PLPP4: variants seen among roughly 807,000 people sequenced by gnomAD.
PLPP4 encodes phospholipid phosphatase 4, also known as diacylglycerol pyrophosphate like 2.
PLPP4 carries 20 observed loss-of-function variants against 32.2 expected under a neutral mutation model. The ratio of observed to expected loss-of-function variants is 0.62; its 90% CI spans 0.44 to 0.90. PLPP4 has a LOEUF of 0.90. PLPP4 is among the 40% of genes least tolerant of loss of function. PLPP4 has a pLI of 0.00. For synonymous variants in PLPP4, 127 were observed against 133.0 expected, an observed-to-expected ratio of 0.95 and a Z score of 0.31; for missense variants, 257 against 353.1, an observed-to-expected ratio of 0.73 and a Z score of 2.18.
chr10:120,555,664 T>C (rs1014456821), intron 5 of PLPP4, among the ~76,000 whole-genome samples: 1 of 152,210 alleles, frequency 6.6e-6, no homozygotes, highest in Non-Finnish European at 1.5e-5. Context: ...CCTGGCGTAG[T>C]GCCTGCCTGT....
rs535699235 is a variant in PLPP4 at position 120,590,439 on chromosome 10, T to G, written c.*937T>G. On this transcript the variant is annotated 3_prime_UTR_variant, in exon 7 of 7. Coordinates refer to ENST00000398250, the MANE Select transcript of PLPP4 (RefSeq NM_001030059.3). ...CTTTAGGATCTGAGTTTTGCAGAGC[T>G]CTGCTCTAAGGATTCTCCAAGTGGT... 1.4e-4 allele frequency among the ~76,000 whole-genome samples: 22 copies of G among 152,332 alleles called. No individual in the cohort carries two copies. In the South Asian group the frequency reaches 1.4e-3, roughly 10 times the overall value.
At chr10:120,495,687 T>A (rs1292488472) in intron 1 of PLPP4, among the ~76,000 whole-genome samples, 1 of 152,210 alleles carries the variant, frequency 6.6e-6, no homozygotes, top group Non-Finnish European at 1.5e-5. Context: ...GGGCCATTGT[T>A]TGTTCACAGA....
intron 5 of PLPP4, among the ~76,000 whole-genome samples, chr10:120,521,886 A>G (rs1846171815): frequency 6.6e-6 from 1 of 152,244 alleles, no homozygotes; most frequent in South Asian, 2.1e-4. Context: ...TAGTATTGTG[A>G]CTTTCAATAA....
chr10:120,530,045 C>T (rs1489831857), intron 5 of PLPP4, among the ~76,000 whole-genome samples: 2 of 152,236 alleles, frequency 1.3e-5, no homozygotes, highest in Non-Finnish European at 2.9e-5. Flanking sequence ...AGTGAATCCT[C>T]ATCCCCCGCG....
chr10:120,582,801 CCCTT>C (rs934017394), intron 6 of PLPP4, among the ~76,000 whole-genome samples: 69 of 128,678 alleles, frequency 5.4e-4, no homozygotes, highest in South Asian at 1.2e-3. Flanking sequence ...CTCCCTCCCT[CCCTT>C]CCTTCCTTCC....
intron 5 of PLPP4, among the ~76,000 whole-genome samples, chr10:120,557,863 ACAGTGTGGT>A (rs1236997335): frequency 1.3e-5 from 2 of 152,232 alleles, no homozygotes; most frequent in African/African-American, 4.8e-5. Context: ...TATAGAGCAA[ACAGTGTGGT>A]CACTAGCTCT....
chr10:120,487,222 G>A (rs1844498881), intron 1 of PLPP4, among the ~76,000 whole-genome samples: 1 of 152,242 alleles, frequency 6.6e-6, no homozygotes, highest in Admixed American at 6.5e-5. Context: ...AACAGATTGA[G>A]CGTGGTGAGA....
intron 6 of PLPP4, among the ~76,000 whole-genome samples, chr10:120,587,899 C>T (rs1564861081): frequency 6.6e-6 from 1 of 152,232 alleles, no homozygotes; most frequent in Non-Finnish European, 1.5e-5. Context: ...AAACCATTGC[C>T]TCCTACCTGA....
intron 5 of PLPP4, among the ~76,000 whole-genome samples, chr10:120,537,740 G>T (rs897705692): frequency 6.6e-6 from 1 of 152,160 alleles, no homozygotes; most frequent in Admixed American, 6.5e-5. Context: ...ACATCAGCTT[G>T]CTCATGGGAA....
chr10:120,457,412 G>A, intron 1 of PLPP4, 51 bp downstream of exon 1: 1 of 1,487,234 alleles, frequency 6.7e-7, no homozygotes, highest in East Asian at 2.7e-5. Flanking sequence ...GGGAACAACC[G>A]ACCAAGCCTC....
intron 1 of PLPP4, among the ~76,000 whole-genome samples, chr10:120,463,625 C>G (rs1029830215): frequency 6.6e-6 from 1 of 152,202 alleles, no homozygotes; most frequent in African/African-American, 2.4e-5. Context: ...AGAATGGCAG[C>G]ACAGCACAGT....
chr10:120,475,871 G>T (rs1843878234), intron 1 of PLPP4, among the ~76,000 whole-genome samples: 1 of 148,508 alleles, frequency 6.7e-6, no homozygotes, highest in Non-Finnish European at 1.5e-5. Flanking sequence ...CACCTTCTTT[G>T]TTCCAGGTTG....
chr10:120,540,204 C>T (rs1847274357), intron 5 of PLPP4, among the ~76,000 whole-genome samples: 1 of 152,142 alleles, frequency 6.6e-6, no homozygotes, highest in African/African-American at 2.4e-5. Context: ...AAATGCACAG[C>T]TGCCCAGCTC....
At chr10:120,544,469 G>A (rs12412649) in intron 5 of PLPP4, among the ~76,000 whole-genome samples, 31,041 of 151,886 alleles carry the variant, frequency 0.2, 3,203 homozygotes, top group Admixed American at 0.23. Flanking sequence ...TTCCTGCCCC[G>A]CAACACAGAG....
intron 5 of PLPP4, among the ~76,000 whole-genome samples, chr10:120,556,221 C>T (rs753977047): frequency 5.3e-5 from 8 of 152,222 alleles, no homozygotes; most frequent in Non-Finnish European, 1.2e-4. Context: ...GTTGCAAAGA[C>T]TCCTGGAAGT....
intron 1 of PLPP4, among the ~76,000 whole-genome samples, chr10:120,488,519 G>A (rs2133832288): frequency 6.6e-6 from 1 of 152,342 alleles, no homozygotes; most frequent in South Asian, 2.1e-4. Flanking sequence ...GCAAGTGCAT[G>A]AAAGAAAAGT....
intron 5 of PLPP4, among the ~76,000 whole-genome samples, chr10:120,562,150 C>T (rs1848465475): frequency 6.6e-6 from 1 of 152,120 alleles, no homozygotes; most frequent in Non-Finnish European, 1.5e-5. Context: ...AGGATTTGCA[C>T]ATCATTTATA....
At chr10:120,528,399 G>T (rs1348946522) in intron 5 of PLPP4, among the ~76,000 whole-genome samples, 1 of 152,136 alleles carries the variant, frequency 6.6e-6, no homozygotes, top group Non-Finnish European at 1.5e-5. Context: ...TTTAAGAATT[G>T]TATAAAATGG....
chr10:120,471,307 G>A (rs757815720), intron 1 of PLPP4, among the ~76,000 whole-genome samples: 12 of 151,566 alleles, frequency 7.9e-5, no homozygotes, highest in Non-Finnish European at 1.0e-4. Context: ...TCTTTTTGTG[G>A]TGCTTTATTT....
Sources: allele counts gnomAD v4.1 joint callset (sites outside exome capture counted in the v4.1 genomes callset), GRCh38; gene constraint gnomAD v4.1.1; transcripts MANE v1.5; gene names NCBI Gene and HGNC (gene_info 2026-07-23, HGNC 2026-07-21).